CENPP: variants seen among roughly 807,000 people sequenced by gnomAD.
The protein encoded by CENPP is centromere protein P.
CENPP carries 24 observed loss-of-function variants against 35.6 expected under a neutral mutation model. That is an observed-to-expected ratio of 0.67 (90% CI 0.49 to 0.95). CENPP has a LOEUF of 0.95. CENPP is among the 40% of genes least tolerant of loss of function. The pLI is 0.00. For missense variants in CENPP, 332 were observed against 345.3 expected (o/e 0.96, Z 0.31); for synonymous variants, 120 against 125.5 (o/e 0.96, Z 0.29).
chr9:92,606,811 G>A (rs999811971), intron 5 of CENPP, among the ~76,000 whole-genome samples: 2 of 152,098 alleles, frequency 1.3e-5, no homozygotes, highest in Non-Finnish European at 2.9e-5. Context: ...GACTGAGGCA[G>A]GAGAATCGCT....
intron 5 of CENPP, among the ~76,000 whole-genome samples, chr9:92,550,443 G>C (rs369120497): frequency 1.3e-5 from 2 of 151,784 alleles, no homozygotes; most frequent in African/African-American, 2.4e-5. Flanking sequence ...TGAAGTCTTC[G>C]TAAGAGGGAA....
At chr9:92,435,528 G>C (rs1004991963) in intron 5 of CENPP, among the ~76,000 whole-genome samples, 2 of 152,100 alleles carry the variant, frequency 1.3e-5, no homozygotes, top group African/African-American at 2.4e-5. Context: ...ATCCCTGCAA[G>C]AGTTTCACAT....
At chr9:92,536,098 G>A (rs1323726875) in intron 5 of CENPP, 1 of 465,744 alleles carries the variant, frequency 2.1e-6, no homozygotes, top group East Asian at 6.2e-5. Context: ...CTCCCTTGGG[G>A]ATAAATGCCT....
chr9:92,392,949 G>A (rs1187310593), intron 5 of CENPP: 9 of 634,550 alleles, frequency 1.4e-5, no homozygotes, highest in Non-Finnish European at 2.4e-5. Flanking sequence ...ATGGACTTTT[G>A]TGAAACATGT....
At chr9:92,357,016 A>C (rs1311983098) in intron 4 of CENPP, among the ~76,000 whole-genome samples, 1 of 152,214 alleles carries the variant, frequency 6.6e-6, no homozygotes, top group Non-Finnish European at 1.5e-5. Flanking sequence ...TTTTTAAATT[A>C]CATAGAAAAT....
intron 5 of CENPP, among the ~76,000 whole-genome samples, chr9:92,490,045 G>A (rs1010552317): frequency 1.3e-5 from 2 of 152,234 alleles, no homozygotes; most frequent in African/African-American, 2.4e-5. Flanking sequence ...AGCCTTGAGC[G>A]AGTTAAGTAA....
intron 5 of CENPP, among the ~76,000 whole-genome samples, chr9:92,549,793 CA>C (rs1456781310): frequency 6.6e-6 from 1 of 152,202 alleles, no homozygotes; most frequent in Non-Finnish European, 1.5e-5. Context: ...TGCTGTTAGG[CA>C]GTGGAGAACA....
intron 5 of CENPP, chr9:92,494,055 T>C: frequency 6.3e-7 from 1 of 1,595,412 alleles, no homozygotes; most frequent in African/African-American, 1.3e-5. Flanking sequence ...CCTGCTTACT[T>C]GTCTGTTTGA....
chr9:92,484,919 G>A (rs768958667), intron 5 of CENPP, among the ~76,000 whole-genome samples: 2 of 152,156 alleles, frequency 1.3e-5, no homozygotes, highest in African/African-American at 2.4e-5. Flanking sequence ...ATTTTGCTTC[G>A]ATCTTTGGTC....
chr9:92,389,035 A>G (rs1258756216), intron 5 of CENPP, among the ~76,000 whole-genome samples: 1 of 152,126 alleles, frequency 6.6e-6, no homozygotes, highest in Non-Finnish European at 1.5e-5. Context: ...ACATTTTTTG[A>G]CAGAATTTAC....
chr9:92,559,173 G>A (rs1439413654), intron 5 of CENPP, among the ~76,000 whole-genome samples: 4 of 152,112 alleles, frequency 2.6e-5, no homozygotes, highest in South Asian at 2.1e-4. Flanking sequence ...TACAAAGTTC[G>A]GCTAGAGAAT....
intron 5 of CENPP, chr9:92,460,562 G>A (rs745792146): frequency 6.4e-7 from 1 of 1,557,902 alleles, no homozygotes; most frequent in South Asian, 1.1e-5. Flanking sequence ...AAAGTTGGTG[G>A]TAAGCCTAAT....
Position 92,615,929 on chromosome 9 carries a change from T to C in CENPP, c.*2780T>C, listed in dbSNP as rs772551104. 4 of 1,614,072 alleles carry C rather than the reference T, an allele frequency of 2.5e-6. No individual in the cohort carries two copies. The highest frequency in any genetic ancestry group is 2.2e-5 in the East Asian group (1 of 44,896). On this transcript the variant is annotated 3_prime_UTR_variant, in exon 8 of 8. Transcript: ENST00000375587. ...GGCACGTACAGTCTTTGAATAATAG[T>C]TGACGATCTTGCCGTCCAGTTTATA...
At chr9:92,409,831 C>T (rs1376828148) in intron 5 of CENPP, among the ~76,000 whole-genome samples, 1 of 152,120 alleles carries the variant, frequency 6.6e-6, no homozygotes, top group Non-Finnish European at 1.5e-5. Flanking sequence ...TCTGTAGCTC[C>T]GATAGGTAAC....
intron 5 of CENPP, among the ~76,000 whole-genome samples, chr9:92,600,082 C>T (rs1333253962): frequency 6.6e-6 from 1 of 152,214 alleles, no homozygotes. Flanking sequence ...ACTGTATATA[C>T]CTAAGTGAGG....
At chr9:92,499,994 A>T (rs116974732) in intron 5 of CENPP, among the ~76,000 whole-genome samples, 1 of 152,252 alleles carries the variant, frequency 6.6e-6, no homozygotes, top group East Asian at 1.9e-4. Context: ...GTCTTAATAA[A>T]TGTATTCAGA....
chr9:92,392,321 A>G (rs2130900632), intron 5 of CENPP, among the ~76,000 whole-genome samples: 1 of 152,312 alleles, frequency 6.6e-6, no homozygotes, highest in East Asian at 1.9e-4. Context: ...ACCTAGTATC[A>G]GTATTTAAAA....
intron 5 of CENPP, among the ~76,000 whole-genome samples, chr9:92,511,426 G>GTT (rs35306473): frequency 2.8e-5 from 4 of 144,650 alleles, no homozygotes; most frequent in Non-Finnish European, 3.0e-5. Flanking sequence ...TGCCTGGCCT[G>GTT]TTTTTTTTTT....
chr9:92,584,213 G>A (rs890318700), intron 5 of CENPP, among the ~76,000 whole-genome samples: 1 of 152,246 alleles, frequency 6.6e-6, no homozygotes, highest in Non-Finnish European at 1.5e-5. Context: ...CCTGGCTGCA[G>A]TGACTCCCAG....
Sources: allele counts gnomAD v4.1 joint callset (sites outside exome capture counted in the v4.1 genomes callset), GRCh38; gene constraint gnomAD v4.1.1; transcripts MANE v1.5; gene names NCBI Gene and HGNC (gene_info 2026-07-23, HGNC 2026-07-21).